Variants in ARHGAP5 observed in about 807,000 individuals in gnomAD.
The protein encoded by ARHGAP5 is rho GTPase-activating protein 5.
A neutral mutation model predicts 116.6 loss-of-function variants in ARHGAP5; 23 were observed. That is an observed-to-expected ratio of 0.20 (90% CI 0.14 to 0.28). The LOEUF (loss-of-function observed/expected upper bound fraction) is 0.28, where lower values mean the gene tolerates loss of function less well. Among genes scored for constraint, ARHGAP5 ranks in the 10% least tolerant of loss-of-function variants. The pLI is 1.00. For synonymous variants in ARHGAP5, 574 were observed against 602.0 expected (o/e 0.95, Z 0.68); for missense variants, 1,405 against 1,774.8 (o/e 0.79, Z 3.74).
chr14:32,100,119 A>G (rs1878723354), intron 2 of ARHGAP5, among the ~76,000 whole-genome samples: 1 of 152,338 alleles, frequency 6.6e-6, no homozygotes, highest in South Asian at 2.1e-4. Context: ...TGTATCCGTG[A>G]GTTTCACATC....
chr14:32,097,168 T>C (rs1182838408), intron 2 of ARHGAP5, among the ~76,000 whole-genome samples: 1 of 152,242 alleles, frequency 6.6e-6, no homozygotes, highest in African/African-American at 2.4e-5. Flanking sequence ...CCATGCATTA[T>C]TACTAGTGAC....
rs990516543 is a variant in ARHGAP5, at chr14:32,117,184, T to C, written c.3762T>C (p.Asn1254=). The C allele has an allele frequency of 1.2e-6, 2 of 1,611,796 alleles. No homozygotes were observed. The highest frequency in any genetic ancestry group is 1.7e-5 in the Admixed American group (1 of 59,916). ...TKNFNPPTRR[N]WESNYFGMPL... is the part of the protein sequence containing the mutation. ...ACTTCAATCCACCAACACGTAGAAA[T>C]TGGGAAAGTAATTACTTTGGGATGC... Residue 1254 remains asparagine, a synonymous_variant, in exon 3 of 7, where the codon AAT becomes AAC. Coordinates refer to ENST00000345122, the MANE Select transcript of ARHGAP5 (RefSeq NM_001030055.2).
At chr14:32,140,097 C>CTTTTTTTTTTTTTTTTTTTTT (rs1182430088) in intron 3 of ARHGAP5, among the ~76,000 whole-genome samples, 1 of 25,386 alleles carries the variant, frequency 3.9e-5, no homozygotes, top group Non-Finnish European at 7.3e-5. Context: ...GTTATTTGTT[C>CTTTTTTTTTTTTTTTTTTTTT]TTTTTTTTTT....
chr14:32,091,899 T>A lies in ARHGAP5; in HGVS notation c.1230T>A (p.Ala410=). ...IPFDLLSTLE[A]EKVYQNHVQH... The stretch of plus-strand genomic sequence containing the variant: ...TTGACCTCCTGAGCACTTTAGAAGC[T>A]GAAAAAGTCTATCAGAACCATGTAC... Residue 410 remains alanine (A), a synonymous_variant, in exon 2 of 7, where the codon GCT becomes GCA. Coordinates refer to ENST00000345122, the MANE Select transcript of ARHGAP5 (RefSeq NM_001030055.2). 6.2e-7 allele frequency: 1 copy of A among 1,613,408 alleles called. No individual in the cohort carries two copies. The highest frequency in any genetic ancestry group is 8.5e-7 in the Non-Finnish European group (1 of 1,179,622).
At chr14:32,150,744 CACAAGA>C (rs1177402757) in intron 5 of ARHGAP5, among the ~76,000 whole-genome samples, 1 of 152,174 alleles carries the variant, frequency 6.6e-6, no homozygotes, top group East Asian at 1.9e-4. Flanking sequence ...AAGTTTCCCA[CACAAGA>C]ACTTTGGGGG....
intron 1 of ARHGAP5, among the ~76,000 whole-genome samples, chr14:32,087,294 TG>T (rs2041839098): frequency 6.6e-6 from 1 of 152,074 alleles, no homozygotes; most frequent in South Asian, 2.1e-4. Flanking sequence ...TATATATATA[TG>T]AACTATCTCA....
At chr14:32,078,570 C>T (rs1421815863) in intron 1 of ARHGAP5, among the ~76,000 whole-genome samples, 1 of 151,970 alleles carries the variant, frequency 6.6e-6, no homozygotes, top group Admixed American at 6.6e-5. Context: ...CAAAATGCTT[C>T]GCTGTATTTA....
chr14:32,129,109 C>G (rs1189308732), intron 3 of ARHGAP5, among the ~76,000 whole-genome samples: 1 of 152,138 alleles, frequency 6.6e-6, no homozygotes, highest in East Asian at 1.9e-4. Context: ...TTCTAATCTG[C>G]TGTGAGTCAG....
chr14:32,106,090 T>G (rs753496655), intron 2 of ARHGAP5, among the ~76,000 whole-genome samples: 9 of 152,198 alleles, frequency 5.9e-5, no homozygotes, highest in Non-Finnish European at 1.2e-4. Context: ...GATAAGAAAC[T>G]GCCAAACTGT....
intron 2 of ARHGAP5, among the ~76,000 whole-genome samples, chr14:32,094,660 CT>C (rs1878435610): frequency 6.6e-6 from 1 of 151,940 alleles, no homozygotes; most frequent in Non-Finnish European, 1.5e-5. Flanking sequence ...TGATTTTGTT[CT>C]TAATTTTTCC....
Position 32,155,880 on chromosome 14 carries a change from G to C in ARHGAP5, c.*932G>C, listed in dbSNP as rs1462067644. ...ATACATAAACATGAAATTTGTTGTA[G>C]AAAATTCTTTAAACCAAACATTTAA... On this transcript the variant is annotated 3_prime_UTR_variant, in exon 7 of 7. Transcript: ENST00000345122. The C allele has an allele frequency of 6.6e-6, 1 of 152,396 alleles. No homozygotes were observed. Among genetic ancestry groups the C allele is most frequent in the Admixed American group, 6.6e-5 (1 of 15,260 alleles). The allele number at this position is 152,396 out of a possible 1,614,324, so 9.4% of individuals were successfully genotyped here.
At position 32,093,141 on chromosome 14, in the gene ARHGAP5, A is replaced by G; in HGVS notation, c.2472A>G (p.Glu824=). Residue 824 remains glutamate, a synonymous_variant, in exon 2 of 7, where the codon GAA becomes GAG. Transcript: ENST00000345122. ...NSLMLDKIIG[E]KRRRIQITIL... is the part of the protein sequence containing the mutation. ...TAATGCTTGATAAAATCATTGGTGAAAAAAGGAGGCGAATACAGATCACAA... is the reference window on the plus strand; with the variant it reads ...TAATGCTTGATAAAATCATTGGTGAGAAAAGGAGGCGAATACAGATCACAA... 6.2e-7 allele frequency: 1 copy of G among 1,614,016 alleles called. No individual in the cohort carries two copies. The highest frequency in any genetic ancestry group is 8.5e-7 in the Non-Finnish European group (1 of 1,179,932).
intron 1 of ARHGAP5, among the ~76,000 whole-genome samples, chr14:32,089,256 G>A (rs1227995342): frequency 6.6e-6 from 1 of 151,914 alleles, no homozygotes; most frequent in Non-Finnish European, 1.5e-5. Context: ...TGAAATAGAT[G>A]TTTACTTGCA....
intron 3 of ARHGAP5, among the ~76,000 whole-genome samples, chr14:32,133,787 C>T (rs1252907700): frequency 6.6e-6 from 1 of 152,144 alleles, no homozygotes; most frequent in Non-Finnish European, 1.5e-5. Flanking sequence ...GAGTTTTTAG[C>T]ATGAAGGGTT....
intron 1 of ARHGAP5, chr14:32,078,322 T>C (rs1307047324): frequency 6.6e-6 from 1 of 152,178 alleles, no homozygotes; most frequent in Non-Finnish European, 1.5e-5. Context: ...TATTAGGCCG[T>C]TTAGTAAAAT....
At chr14:32,127,756 G>C (rs1333424707) in intron 3 of ARHGAP5, among the ~76,000 whole-genome samples, 1 of 151,990 alleles carries the variant, frequency 6.6e-6, no homozygotes, top group African/African-American at 2.4e-5. Context: ...TGGCCAGGCA[G>C]AGGGGCCTCC....
Position 32,154,910 on chromosome 14 carries a change from C to T in ARHGAP5, c.4471C>T (p.Gln1491Ter). ...GCCACCATTGCAACCTCAGCTGATACAACCACAATTACAAACGGATCCTCT... is the reference window on the plus strand; with the variant it reads ...GCCACCATTGCAACCTCAGCTGATATAACCACAATTACAAACGGATCCTCT... The part of the protein sequence containing the change: ...LPPPLQPQLI[Q>*]PQLQTDPLGI... Residue 1491 changes from glutamine (Q) to a stop codon, truncating the protein, a stop_gained, in exon 7 of 7, where the codon CAA becomes TAA. Coordinates refer to ENST00000345122, the MANE Select transcript of ARHGAP5 (RefSeq NM_001030055.2). LOFTEE classifies it high-confidence loss of function. 6.2e-7 allele frequency: 1 copy of T among 1,613,882 alleles called. No individual in the cohort carries two copies. The highest frequency in any genetic ancestry group is 1.3e-5 in the African/African-American group (1 of 75,040).
At chr14:32,080,740 C>G (rs1384106014) in intron 1 of ARHGAP5, among the ~76,000 whole-genome samples, 2 of 151,982 alleles carry the variant, frequency 1.3e-5, no homozygotes, top group Admixed American at 1.3e-4. Context: ...TAATTGCAAG[C>G]AGGAGTTTAG....
chr14:32,131,782 T>C (rs1880510392), intron 3 of ARHGAP5, among the ~76,000 whole-genome samples: 1 of 152,144 alleles, frequency 6.6e-6, no homozygotes, highest in African/African-American at 2.4e-5. Context: ...CCCCTTCCTG[T>C]GTCCACGTGT....
Sources: allele counts gnomAD v4.1 joint callset (sites outside exome capture counted in the v4.1 genomes callset), GRCh38; gene constraint gnomAD v4.1.1; transcripts MANE v1.5; gene names NCBI Gene and HGNC (gene_info 2026-07-23, HGNC 2026-07-21).